COL11A1: variants seen among roughly 807,000 people sequenced by gnomAD.
COL11A1 encodes the protein collagen type XI alpha 1 chain, also known as collagen alpha-1(XI) chain.
COL11A1 carries 74 observed loss-of-function variants against 265.2 expected under a neutral mutation model. That is an observed-to-expected ratio of 0.28 (90% CI 0.23 to 0.34). The LOEUF (loss-of-function observed/expected upper bound fraction) is 0.34, where lower values mean the gene tolerates loss of function less well. Ranked by LOEUF, COL11A1 falls within the 10% of genes least tolerant of loss-of-function variation. COL11A1 has a pLI of 1.00. For missense variants in COL11A1, 2,165 were observed against 2,263.6 expected, an observed-to-expected ratio of 0.96 and a Z score of 0.88; for synonymous variants, 816 against 727.6, an observed-to-expected ratio of 1.12 and a Z score of -1.96.
intron 4 of COL11A1, among the ~76,000 whole-genome samples, chr1:103,068,574 T>A (rs1671329109): frequency 6.6e-6 from 1 of 151,496 alleles, no homozygotes; most frequent in South Asian, 2.1e-4. Context: ...ATATATTCAA[T>A]ATATATAAAA....
intron 15 of COL11A1, 51 bp downstream of exon 15, chr1:103,008,412 C>A (rs999215422): frequency 6.3e-6 from 9 of 1,437,630 alleles, no homozygotes; most frequent in African/African-American, 1.4e-5. Flanking sequence ...AGGAATTATG[C>A]TGTATCAAAG....
At chr1:103,055,273 A>C (rs990197839) in intron 4 of COL11A1, among the ~76,000 whole-genome samples, 1 of 152,114 alleles carries the variant, frequency 6.6e-6, no homozygotes, top group African/African-American at 2.4e-5. Context: ...CCTTACCTTC[A>C]TCTTTTATTT....
chr1:103,031,211 G>A lies in COL11A1; in HGVS notation c.685C>T (p.Pro229Ser). 1 of 1,604,894 alleles carries A rather than the reference G, an allele frequency of 6.2e-7. No homozygotes were observed. The highest frequency in any genetic ancestry group is 8.5e-7 in the Non-Finnish European group (1 of 1,178,512). Residue 229 changes from proline (P) to serine (S), a missense_variant, in exon 5 of 67, where the codon CCC becomes TCC. Coordinates refer to ENST00000370096, the MANE Select transcript of COL11A1 (RefSeq NM_001854.4). ...TCACAGTAGTCATATGCTGCCTTGG[G>A]ATCACCTGTGATCAAAAACTGCTGA... ...DIQQFLITGD[P>S]KAAYDYCEHY...
chr1:102,933,506 A>G (rs1199279746), intron 46 of COL11A1, among the ~76,000 whole-genome samples: 1 of 152,040 alleles, frequency 6.6e-6, no homozygotes, highest in Non-Finnish European at 1.5e-5. Flanking sequence ...GCTTTCAGAC[A>G]GGGACATTTA....
intron 4 of COL11A1, among the ~76,000 whole-genome samples, chr1:103,033,692 CTTTA>C (rs1349219592): frequency 6.6e-6 from 1 of 152,050 alleles, no homozygotes; most frequent in Non-Finnish European, 1.5e-5. Flanking sequence ...TACCAGTGTT[CTTTA>C]TTTGAGTTAG....
chr1:102,939,119 T>C, intron 43 of COL11A1, 31 bp from the exon 44 acceptor site: 4 of 1,577,432 alleles, frequency 2.5e-6, no homozygotes, highest in Non-Finnish European at 2.6e-6. Flanking sequence ...TTAGAGTTTA[T>C]CTCTAACATG....
In COL11A1 at chr1:102,982,973, A is replaced by G. The variant is rs886192040; in HGVS notation, c.2556+1165T>C. Among the ~76,000 whole-genome samples the G allele has an allele frequency of 2.3e-4, 35 of 152,106 alleles. 1 individual carries two copies. The highest frequency in any genetic ancestry group is 8.0e-4 in the African/African-American group (33 of 41,448). On this transcript the variant is annotated intron_variant, in intron 31 of 66. Coordinates refer to ENST00000370096, the MANE Select transcript of COL11A1 (RefSeq NM_001854.4). ...TAAACTGATAGATTGATATAATCTC[A>G]TGTACATATAACTAAAAGAATGATA... is the stretch of plus-strand genomic sequence containing the variant.
chr1:102,990,830 C>T (rs1320139010), intron 28 of COL11A1, among the ~76,000 whole-genome samples: 2 of 151,880 alleles, frequency 1.3e-5, no homozygotes, highest in Non-Finnish European at 2.9e-5. Context: ...GTAAGGAGTT[C>T]GAGACCAGCC....
At chr1:102,914,908 G>C in intron 50 of COL11A1, 97 bp from the exon 51 acceptor site, 1 of 980,932 alleles carries the variant, frequency 1.0e-6, no homozygotes, top group Non-Finnish European at 1.5e-6. Context: ...CACTGGGCCA[G>C]AATATATTTT....
intron 4 of COL11A1, among the ~76,000 whole-genome samples, chr1:103,047,816 T>G (rs148674131): frequency 0.14 from 20,898 of 152,092 alleles, 1,539 homozygotes; most frequent in African/African-American, 0.15. Flanking sequence ...GCATGAAGGG[T>G]TGTTGAATTT....
intron 41 of COL11A1, 46 bp from the exon 42 acceptor site, chr1:102,947,002 C>A: frequency 3.5e-6 from 5 of 1,443,416 alleles, no homozygotes; most frequent in Non-Finnish European, 4.8e-6. Context: ...GAAAGTAATA[C>A]TGGCTTAAGA....
chr1:102,973,241 C>A (rs1662141445), intron 36 of COL11A1, among the ~76,000 whole-genome samples: 1 of 152,080 alleles, frequency 6.6e-6, no homozygotes, highest in South Asian at 2.1e-4. Context: ...AGAAATACTC[C>A]TTCTTGTCTC....
At chr1:103,039,592 G>A (rs548815037) in intron 4 of COL11A1, among the ~76,000 whole-genome samples, 4 of 151,576 alleles carry the variant, frequency 2.6e-5, no homozygotes, top group South Asian at 2.1e-4. Context: ...AAGAACGCTC[G>A]GACAGAAGAA....
In COL11A1 at chr1:102,887,101, T is replaced by C. The variant is rs745770429; in HGVS notation, c.4609-45A>G. The C allele has an allele frequency of 1.9e-6, 3 of 1,611,094 alleles. No homozygotes were observed. In the South Asian group the frequency reaches 3.3e-5, roughly 18 times the overall value. On this transcript the variant is annotated intron_variant, in intron 62 of 66. Coordinates refer to ENST00000370096, the MANE Select transcript of COL11A1 (RefSeq NM_001854.4). The stretch of plus-strand genomic sequence containing the variant: ...AGTGCAATTGTTTCATAAAGTGGAA[T>C]ATTCTGCAGATATTAATTATTACTG...
At chr1:102,934,236 G>A (rs1473516171) in intron 46 of COL11A1, among the ~76,000 whole-genome samples, 1 of 152,118 alleles carries the variant, frequency 6.6e-6, no homozygotes, top group Non-Finnish European at 1.5e-5. Flanking sequence ...TCAGGAGCGA[G>A]GGCTGATACA....
Position 103,074,680 on chromosome 1 carries a change from T to C in COL11A1, c.589A>G (p.Ile197Val), listed in dbSNP as rs1403685939. The C allele has an allele frequency of 6.2e-7, 1 of 1,613,450 alleles. No homozygotes were observed. Residue 197 changes from isoleucine to valine, a missense_variant, in exon 4 of 67, where the codon ATT becomes GTT. Coordinates refer to ENST00000370096, the MANE Select transcript of COL11A1 (RefSeq NM_001854.4). ...ACCGTGATTCCATTGGTATCAACAA[T>C]TGCTCTCTCACTTCTATCAAGTGGT... is the stretch of plus-strand genomic sequence containing the variant. ...TKPLDRSERAIVDTNGITVFG... is the reference protein window; with the variant it reads ...TKPLDRSERAVVDTNGITVFG...
intron 4 of COL11A1, among the ~76,000 whole-genome samples, chr1:103,050,620 C>A (rs572548782): frequency 3.3e-5 from 5 of 152,200 alleles, no homozygotes; most frequent in Non-Finnish European, 7.3e-5. Flanking sequence ...CATTCTCCAT[C>A]CAGCTTTTTT....
At chr1:103,027,445 G>T (rs1363834704) in intron 5 of COL11A1, among the ~76,000 whole-genome samples, 1 of 76,722 alleles carries the variant, frequency 1.3e-5, no homozygotes, top group African/African-American at 5.2e-5. Context: ...ATATATATAT[G>T]CATGCATGCC....
chr1:102,992,655 A>C (rs148344126), intron 28 of COL11A1, among the ~76,000 whole-genome samples: 1,899 of 152,212 alleles, frequency 0.012, 17 homozygotes, highest in Middle Eastern at 0.031. Flanking sequence ...GTTTCTCTAA[A>C]TCTATAATTT....
Sources: gnomAD v4.1 joint callset for allele counts (sites outside exome capture counted in the v4.1 genomes callset) on GRCh38, gnomAD v4.1.1 for gene constraint, MANE v1.5 for transcripts, NCBI Gene and HGNC (gene_info 2026-07-23, HGNC 2026-07-21) for gene names.